The following PARN variants were observed in gnomAD, a reference collection of about 807,000 sequenced individuals.
PARN encodes the protein poly(A)-specific ribonuclease PARN.
Under a neutral mutation model 102.8 loss-of-function variants are expected in PARN, and 71 were observed. The ratio of observed to expected loss-of-function variants is 0.69; its 90% confidence interval spans 0.57 to 0.84. The LOEUF (loss-of-function observed/expected upper bound fraction) is 0.84, where lower values mean the gene tolerates loss of function less well. Among genes scored for constraint, PARN ranks in the 40% least tolerant of loss-of-function variants. The pLI is 0.00. For synonymous variants in PARN, 261 were observed against 252.9 expected, an observed-to-expected ratio of 1.03 and a Z score of -0.30; for missense variants, 782 against 760.9, an observed-to-expected ratio of 1.03 and a Z score of -0.33.
chr16:14,544,116 C>T (rs775067829), intron 21 of PARN, among the ~76,000 whole-genome samples: 3 of 152,024 alleles, frequency 2.0e-5, no homozygotes, highest in Admixed American at 6.6e-5. Context: ...CGCTTGAACC[C>T]GGGAGGTGGA....
intron 21 of PARN, among the ~76,000 whole-genome samples, chr16:14,510,752 A>G (rs1327412762): frequency 1.3e-5 from 2 of 152,226 alleles, no homozygotes; most frequent in Non-Finnish European, 2.9e-5. Context: ...CCAGGACAGA[A>G]GTCCTGCCAC....
At chr16:14,600,028 A>G (rs1037125210) in intron 11 of PARN, 68 bp from the exon 12 acceptor site, 2 of 883,958 alleles carry the variant, frequency 2.3e-6, no homozygotes, top group Admixed American at 5.4e-5. Flanking sequence ...TTAAAAAACT[A>G]CCCCAAAAAA....
chr16:14,444,401 G>C (rs1961098436), intron 23 of PARN, among the ~76,000 whole-genome samples: 1 of 151,418 alleles, frequency 6.6e-6, no homozygotes, highest in Admixed American at 6.6e-5. Context: ...CTGTCAATGG[G>C]AGGAAAAAAA....
rs772896503 is a variant in PARN, at chr16:14,585,980, C to CTTTT, written c.962+334_962+337dup. On this transcript the variant is annotated intron_variant, in intron 14 of 23. Coordinates refer to ENST00000437198, the MANE Select transcript of PARN (RefSeq NM_002582.4). ...TTGTATTGTGTATGTCACAATGACTCTTTTTTTTTTTTTTTTTTTTGAGAC... is the reference window on the plus strand; with the variant it reads ...TTGTATTGTGTATGTCACAATGACTCTTTTTTTTTTTTTTTTTTTTTTTTGAGAC... Among the ~76,000 whole-genome samples, 10 of 127,236 alleles carry CTTTT rather than the reference C, an allele frequency of 7.9e-5. 2 individuals carry two copies. Among genetic ancestry groups the CTTTT allele is most frequent in the Non-Finnish European group, 6.7e-5 (4 of 59,978 alleles). The allele number at this position is 127,236 out of a possible 152,430, so 83.5% of individuals were successfully genotyped here.
chr16:14,594,165 A>G, intron 12 of PARN, among the ~76,000 whole-genome samples: 1 of 152,236 alleles, frequency 6.6e-6, no homozygotes, highest in Admixed American at 6.5e-5. Context: ...TTCTAACTAT[A>G]TTAAACAGAA....
chr16:14,521,821 G>C (rs1361776037), intron 21 of PARN, among the ~76,000 whole-genome samples: 1 of 151,608 alleles, frequency 6.6e-6, no homozygotes, highest in Non-Finnish European at 1.5e-5. Context: ...AAAAATACAC[G>C]TAACCACCAC....
At chr16:14,601,522 T>C (rs1285497899) in intron 11 of PARN, among the ~76,000 whole-genome samples, 1 of 152,206 alleles carries the variant, frequency 6.6e-6, no homozygotes, top group African/African-American at 2.4e-5. Context: ...TGGAGATGGA[T>C]GGTGGTGATG....
intron 23 of PARN, among the ~76,000 whole-genome samples, chr16:14,438,198 A>G (rs895237700): frequency 1.3e-5 from 2 of 152,198 alleles, no homozygotes; most frequent in African/African-American, 2.4e-5. Flanking sequence ...CAGTCCCACA[A>G]TGATACAATA....
intron 5 of PARN, among the ~76,000 whole-genome samples, chr16:14,620,651 C>G (rs1972238168): frequency 6.6e-6 from 1 of 152,164 alleles, no homozygotes; most frequent in Admixed American, 6.6e-5. Context: ...TATCACAGTA[C>G]TGACTTCAGA....
intron 5 of PARN, among the ~76,000 whole-genome samples, chr16:14,618,214 G>A (rs541879791): frequency 4.6e-5 from 7 of 151,996 alleles, no homozygotes; most frequent in South Asian, 4.2e-4. Context: ...TGTGCCAGGC[G>A]CGGTGGCTGA....
intron 22 of PARN, among the ~76,000 whole-genome samples, chr16:14,467,523 T>C (rs1002207672): frequency 2.6e-5 from 4 of 152,222 alleles, no homozygotes; most frequent in African/African-American, 4.8e-5. Context: ...AATTCCCCAA[T>C]TCTCTTTATC....
At chr16:14,472,044 G>T (rs552166226) in intron 22 of PARN, among the ~76,000 whole-genome samples, 1 of 152,146 alleles carries the variant, frequency 6.6e-6, no homozygotes, top group East Asian at 1.9e-4. Context: ...GAAAGCAACC[G>T]TGTCCTGACC....
At chr16:14,624,149 A>G (rs909072830) in intron 5 of PARN, among the ~76,000 whole-genome samples, 7 of 152,162 alleles carry the variant, frequency 4.6e-5, no homozygotes, top group Admixed American at 3.3e-4. Flanking sequence ...TTTAAAGAAC[A>G]TATTAAATTG....
At chr16:14,476,666 T>C (rs902228944) in intron 22 of PARN, among the ~76,000 whole-genome samples, 4 of 151,978 alleles carry the variant, frequency 2.6e-5, no homozygotes, top group Non-Finnish European at 5.9e-5. Context: ...CCCATCTCTA[T>C]TAAAAAATTA....
intron 22 of PARN, among the ~76,000 whole-genome samples, chr16:14,473,730 G>C (rs1962881159): frequency 6.6e-6 from 1 of 152,094 alleles, no homozygotes; most frequent in African/African-American, 2.4e-5. Context: ...GGGTCAAAGG[G>C]GCCACTGCTT....
At chr16:14,496,270 C>A (rs778454176) in intron 21 of PARN, among the ~76,000 whole-genome samples, 1 of 152,132 alleles carries the variant, frequency 6.6e-6, no homozygotes. Flanking sequence ...AAAGCCTCTG[C>A]GCTCACACCC....
chr16:14,584,149 T>G (rs1969698739), intron 16 of PARN, among the ~76,000 whole-genome samples, 198 bp downstream of exon 16: 1 of 152,174 alleles, frequency 6.6e-6, no homozygotes, highest in South Asian at 2.1e-4. Context: ...CCCAACTCCA[T>G]TAACATAAAA....
At chr16:14,542,331 CTT>C (rs1567365604) in intron 21 of PARN, among the ~76,000 whole-genome samples, 1 of 145,410 alleles carries the variant, frequency 6.9e-6, no homozygotes, top group Non-Finnish European at 1.5e-5. Context: ...CTTTTTTTAA[CTT>C]TTTTAAGAGA....
At chr16:14,627,432 G>A in intron 3 of PARN, 96 bp from the exon 4 acceptor site, 1 of 780,278 alleles carries the variant, frequency 1.3e-6, no homozygotes, top group South Asian at 1.5e-5. Flanking sequence ...ATTACTCAAT[G>A]AGACTTCAGC....
Sources: gnomAD v4.1 joint callset for allele counts (sites outside exome capture counted in the v4.1 genomes callset) on GRCh38, gnomAD v4.1.1 for gene constraint, MANE v1.5 for transcripts, NCBI Gene and HGNC (gene_info 2026-07-23, HGNC 2026-07-21) for gene names.